The following ART1 variants were observed in gnomAD, a reference collection of about 807,000 sequenced individuals.
ART1 encodes the protein GPI-linked NAD(P)(+)--arginine ADP-ribosyltransferase 1.
Under a neutral mutation model 27.0 loss-of-function variants are expected in ART1, and 29 were observed. The ratio of observed to expected loss-of-function variants is 1.08; its 90% CI spans 0.80 to 1.47. The LOEUF is 1.47. ART1 is among the 40% of genes most tolerant of loss of function. The pLI is 0.00. For missense variants in ART1, 480 were observed against 423.0 expected (o/e 1.13, Z -1.18); for synonymous variants, 201 against 172.2 (o/e 1.17, Z -1.31).
At chr11:3,653,577 T>G (rs943128703) in intron 1 of ART1, among the ~76,000 whole-genome samples, 1 of 152,164 alleles carries the variant, frequency 6.6e-6, no homozygotes, top group African/African-American at 2.4e-5. Context: ...CTCAGGTGAT[T>G]AAAAGCTTTA....
At chr11:3,651,897 C>T (rs899457576) in intron 1 of ART1, among the ~76,000 whole-genome samples, 1 of 150,748 alleles carries the variant, frequency 6.6e-6, no homozygotes. Context: ...TGTTCCTCAC[C>T]CTGATCACGC....
At chr11:3,648,287 C>T (rs1353203198) in intron 1 of ART1, among the ~76,000 whole-genome samples, 5 of 152,228 alleles carry the variant, frequency 3.3e-5, no homozygotes, top group Non-Finnish European at 5.9e-5. Context: ...TTGGTGGTGT[C>T]TTCACACGGA....
chr11:3,653,821 C>T (rs868858736), intron 1 of ART1, among the ~76,000 whole-genome samples: 2 of 132,416 alleles, frequency 1.5e-5, no homozygotes, highest in Non-Finnish European at 3.1e-5. Flanking sequence ...ATTCTCCCAT[C>T]AGACATCAAG....
intron 1 of ART1, among the ~76,000 whole-genome samples, chr11:3,647,649 T>C (rs1475753128): frequency 6.9e-6 from 1 of 145,072 alleles, no homozygotes; most frequent in African/African-American, 2.8e-5. Context: ...AAATAAATAA[T>C]ATATAAATAA....
intron 1 of ART1, among the ~76,000 whole-genome samples, chr11:3,646,201 C>T (rs1486359996): frequency 2.6e-5 from 4 of 152,062 alleles, no homozygotes; most frequent in Admixed American, 6.5e-5. Context: ...TGACCAGAGT[C>T]GCGCTTTAGA....
At chr11:3,651,069 T>A (rs1271484586) in intron 1 of ART1, among the ~76,000 whole-genome samples, 5 of 152,138 alleles carry the variant, frequency 3.3e-5, no homozygotes. Flanking sequence ...TACAGGTTAG[T>A]TCAGAATCCG....
Position 3,659,918 on chromosome 11 carries a change from A to G in ART1, c.399A>G (p.Ala133=), listed in dbSNP as rs1370155004. ...ANSPLHKEFN[A]AVREAGRSRA... ...GCCCCCTGCACAAGGAGTTCAATGC[A>G]GCCGTGCGTGAGGCGGGCCGCTCCC... Residue 133 remains alanine, a synonymous_variant, in exon 3 of 5, where the codon GCA becomes GCG. Coordinates refer to ENST00000250693, the MANE Select transcript of ART1 (RefSeq NM_004314.3). The G allele has an allele frequency of 6.2e-7, 1 of 1,613,078 alleles. No homozygotes were observed. Among genetic ancestry groups the G allele is most frequent in the African/African-American group, 1.3e-5 (1 of 74,940 alleles).
intron 1 of ART1, among the ~76,000 whole-genome samples, chr11:3,658,138 T>C (rs1339737686): frequency 6.6e-6 from 1 of 151,634 alleles, no homozygotes; most frequent in Non-Finnish European, 1.5e-5. Flanking sequence ...TTCGAGACCA[T>C]CCTGGCCAGC....
intron 1 of ART1, among the ~76,000 whole-genome samples, chr11:3,656,209 C>T (rs967976223): frequency 2.0e-5 from 3 of 151,848 alleles, no homozygotes; most frequent in Middle Eastern, 3.2e-3. Flanking sequence ...GCTGGGATTA[C>T]AAGCGTGAGC....
chr11:3,659,785 G>T lies in ART1; in HGVS notation c.266G>T (p.Arg89Leu). The T allele has an allele frequency of 5.6e-6, 9 of 1,613,270 alleles. No homozygotes were observed. Among genetic ancestry groups the T allele is most frequent in the Non-Finnish European group, 6.8e-6 (8 of 1,179,802 alleles). The change falls in exon 3 of 5, where the codon CGT (arginine) becomes CTT (leucine). Residue 89 changes from arginine (R) to leucine (L), a missense_variant. Arg to Leu is a moderately radical substitution (Grantham distance 102). Coordinates refer to ENST00000250693, the MANE Select transcript of ART1 (RefSeq NM_004314.3). ...CTGGCAAGCAGCCAATGGCAGGAGCGTCAGGCCAGGTGGCCAGAGTGGAGT... is the reference window on the plus strand; with the variant it reads ...CTGGCAAGCAGCCAATGGCAGGAGCTTCAGGCCAGGTGGCCAGAGTGGAGT... ...WTLASSQWQE[R>L]QARWPEWSLS...
chr11:3,652,082 C>G (rs1400166238), intron 1 of ART1, among the ~76,000 whole-genome samples: 1 of 151,682 alleles, frequency 6.6e-6, no homozygotes, highest in Non-Finnish European at 1.5e-5. Flanking sequence ...TCTGCTACTC[C>G]TCAGGGATCA....
At chr11:3,646,046 TTTTG>T (rs1482009130) in intron 1 of ART1, among the ~76,000 whole-genome samples, 1 of 149,500 alleles carries the variant, frequency 6.7e-6, no homozygotes, top group African/African-American at 2.6e-5. Flanking sequence ...TGGAGGGATG[TTTTG>T]TTTGTTTGTT....
At chr11:3,645,550 C>T (rs548745469) in intron 1 of ART1, among the ~76,000 whole-genome samples, 104 of 152,296 alleles carry the variant, frequency 6.8e-4, no homozygotes, top group African/African-American at 2.5e-3. Context: ...CACCACATCT[C>T]CCCTGACACT....
chr11:3,652,353 C>A (rs147846901), intron 1 of ART1, among the ~76,000 whole-genome samples: 1 of 143,624 alleles, frequency 7.0e-6, no homozygotes, highest in Non-Finnish European at 1.5e-5. Context: ...CCAGCCTTTA[C>A]TAGTCAAATC....
At chr11:3,654,995 C>T (rs1589920732) in intron 1 of ART1, among the ~76,000 whole-genome samples, 1 of 152,206 alleles carries the variant, frequency 6.6e-6, no homozygotes, top group South Asian at 2.1e-4. Flanking sequence ...AACTATTTTG[C>T]CGTGTGCCAC....
chr11:3,647,303 C>CA (rs1291369345), intron 1 of ART1, among the ~76,000 whole-genome samples: 6 of 148,010 alleles, frequency 4.1e-5, no homozygotes, highest in African/African-American at 5.0e-5. Flanking sequence ...GCCTGGGCAA[C>CA]GAGCAAAACT....
Position 3,660,289 on chromosome 11 carries a change from T to A in ART1, c.770T>A (p.Leu257Gln), listed in dbSNP as rs2280134. The change falls in exon 3 of 5, where the codon CTG becomes CAG. Residue 257 changes from leucine to glutamine, a missense_variant. By Grantham distance (113) the Leu-to-Gln change is moderately radical. Transcript: ENST00000250693. ...ETFQVINASR[L>Q]AQGPARIYLR... Reference sequence around the variant, plus strand: ...TTCCAAGTGATCAATGCCAGCAGACTGGCCCAGGGCCCCGCCCGCATCTAC... The same window carrying A: ...TTCCAAGTGATCAATGCCAGCAGACAGGCCCAGGGCCCCGCCCGCATCTAC... 6.2e-7 allele frequency: 1 copy of A among 1,610,594 alleles called. No individual in the cohort carries two copies. The highest frequency in any genetic ancestry group is 8.5e-7 in the Non-Finnish European group (1 of 1,179,926).
chr11:3,661,488 AT>A, intron 4 of ART1, 75 bp downstream of exon 4: 1 of 365,744 alleles, frequency 2.7e-6, no homozygotes, highest in Non-Finnish European at 4.5e-6. Flanking sequence ...CATCACCTCG[AT>A]CTTTTTTTTT....
chr11:3,657,821 T>C (rs2077586379), intron 1 of ART1, among the ~76,000 whole-genome samples: 1 of 152,212 alleles, frequency 6.6e-6, no homozygotes, highest in Non-Finnish European at 1.5e-5. Flanking sequence ...ATATTCACTG[T>C]AGTATTATGT....
Sources: allele counts gnomAD v4.1 joint callset (sites outside exome capture counted in the v4.1 genomes callset), GRCh38; gene constraint gnomAD v4.1.1; transcripts MANE v1.5; gene names NCBI Gene and HGNC (gene_info 2026-07-23, HGNC 2026-07-21).